UBE2E2: variants seen among roughly 807,000 people sequenced by gnomAD.
The protein encoded by UBE2E2 is ubiquitin conjugating enzyme E2 E2.
In UBE2E2, 6 loss-of-function variants were observed where a neutral mutation model predicts 24.7. That is an observed-to-expected ratio of 0.24 (90% CI 0.13 to 0.48). The LOEUF is 0.48. UBE2E2 is among the 20% of genes least tolerant of loss of function. The probability of loss-of-function intolerance (pLI) is 0.99; values close to 1 mark genes in which losing one functional copy is unlikely to be tolerated. For missense variants in UBE2E2, 169 were observed against 245.0 expected (o/e 0.69, Z 2.07); for synonymous variants, 104 against 83.6 (o/e 1.24, Z -1.33).
At chr3:23,411,541 G>A (rs1346797064) in intron 3 of UBE2E2, among the ~76,000 whole-genome samples, 5 of 152,124 alleles carry the variant, frequency 3.3e-5, no homozygotes, top group Non-Finnish European at 5.9e-5. Flanking sequence ...TGAGAGGAGC[G>A]AGGAGGTTTT....
chr3:23,223,713 G>T (rs2125326681), intron 3 of UBE2E2, among the ~76,000 whole-genome samples: 1 of 152,144 alleles, frequency 6.6e-6, no homozygotes, highest in South Asian at 2.1e-4. Context: ...TGCTTTGGTT[G>T]CCTGTGCTTT....
intron 3 of UBE2E2, among the ~76,000 whole-genome samples, chr3:23,321,557 C>T (rs1461513771): frequency 1.3e-5 from 2 of 151,036 alleles, no homozygotes; most frequent in African/African-American, 2.4e-5. Context: ...AGCTCTTCTA[C>T]TCCTGGGACC....
intron 3 of UBE2E2, among the ~76,000 whole-genome samples, chr3:23,387,704 G>T (rs780319423): frequency 2.1e-4 from 32 of 152,168 alleles, no homozygotes; most frequent in Non-Finnish European, 3.8e-4. Flanking sequence ...TGAAGTGTAG[G>T]TATGAAGTGC....
intron 3 of UBE2E2, among the ~76,000 whole-genome samples, chr3:23,219,264 C>T (rs752426050): frequency 5.9e-5 from 9 of 152,114 alleles, no homozygotes; most frequent in Non-Finnish European, 1.3e-4. Flanking sequence ...GCAAAGGGTC[C>T]TCTGTGCTGT....
At chr3:23,470,209 C>G (rs554515013) in intron 3 of UBE2E2, among the ~76,000 whole-genome samples, 4 of 152,158 alleles carry the variant, frequency 2.6e-5, no homozygotes, top group African/African-American at 9.7e-5. Context: ...CTGTGCCCCT[C>G]CTTTTCCCAC....
chr3:23,460,145 C>T (rs1190152283), intron 3 of UBE2E2, among the ~76,000 whole-genome samples: 2 of 152,176 alleles, frequency 1.3e-5, no homozygotes, highest in African/African-American at 4.8e-5. Context: ...CCAGATGCAT[C>T]TGGTTGGCAC....
chr3:23,358,187 T>C (rs1196623867), intron 3 of UBE2E2, among the ~76,000 whole-genome samples: 2 of 152,274 alleles, frequency 1.3e-5, no homozygotes, highest in East Asian at 1.9e-4. Context: ...TGAAAAAATA[T>C]TTATATGTAC....
At chr3:23,356,104 A>T (rs1413490648) in intron 3 of UBE2E2, among the ~76,000 whole-genome samples, 1 of 152,210 alleles carries the variant, frequency 6.6e-6, no homozygotes, top group Non-Finnish European at 1.5e-5. Context: ...AGTAGACCTG[A>T]TGCTCAGTTA....
intron 3 of UBE2E2, among the ~76,000 whole-genome samples, chr3:23,317,952 T>C (rs2125285642): frequency 6.6e-6 from 1 of 152,056 alleles, no homozygotes; most frequent in African/African-American, 2.4e-5. Context: ...GGTGCTTTTT[T>C]GTGTAGATAG....
At chr3:23,221,489 A>G (rs1343985874) in intron 3 of UBE2E2, among the ~76,000 whole-genome samples, 2 of 151,972 alleles carry the variant, frequency 1.3e-5, no homozygotes, top group Non-Finnish European at 2.9e-5. Flanking sequence ...CTCGGCAGCA[A>G]TTAGTCTACT....
chr3:23,514,808 C>T (rs1425528614), intron 4 of UBE2E2, among the ~76,000 whole-genome samples: 1 of 151,802 alleles, frequency 6.6e-6, no homozygotes, highest in African/African-American at 2.4e-5. Context: ...ATTGAGGCCA[C>T]AGTACTGAAT....
At chr3:23,377,377 G>T (rs1010316837) in intron 3 of UBE2E2, among the ~76,000 whole-genome samples, 2 of 152,216 alleles carry the variant, frequency 1.3e-5, no homozygotes, top group African/African-American at 4.8e-5. Flanking sequence ...AATTATTAAT[G>T]ATAGTGTTTA....
At chr3:23,496,074 TC>T (rs1699591971) in intron 3 of UBE2E2, among the ~76,000 whole-genome samples, 1 of 152,170 alleles carries the variant, frequency 6.6e-6, no homozygotes, top group African/African-American at 2.4e-5. Flanking sequence ...CCAGTTAATT[TC>T]TTAAAAGACT....
At chr3:23,406,687 T>A (rs1229637584) in intron 3 of UBE2E2, among the ~76,000 whole-genome samples, 1 of 152,226 alleles carries the variant, frequency 6.6e-6, no homozygotes, top group East Asian at 1.9e-4. Context: ...AGGTTATCCC[T>A]CTTAACCTTG....
chr3:23,237,355 G>C (rs920098808), intron 3 of UBE2E2, among the ~76,000 whole-genome samples: 1 of 152,130 alleles, frequency 6.6e-6, no homozygotes, highest in African/African-American at 2.4e-5. Flanking sequence ...TAGTTACTAA[G>C]GCAGATAACT....
chr3:23,539,589 G>T (rs1695342312), intron 5 of UBE2E2, among the ~76,000 whole-genome samples: 1 of 152,166 alleles, frequency 6.6e-6, no homozygotes. Context: ...AACGCAGGGA[G>T]TATCTGTCAA....
intron 3 of UBE2E2, among the ~76,000 whole-genome samples, chr3:23,497,398 G>A (rs1050155416): frequency 2.0e-5 from 3 of 152,218 alleles, no homozygotes; most frequent in Admixed American, 6.5e-5. Context: ...TTTTTGTCAC[G>A]TGGCATTTTA....
rs548199942 is a variant in UBE2E2, at chr3:23,523,969, T to TG, written c.361-8579dup. On this transcript the variant is annotated intron_variant, in intron 4 of 5. Coordinates refer to ENST00000396703, the MANE Select transcript of UBE2E2 (RefSeq NM_152653.4). ...TGGGGGCTTCAAATATTTGTGGGGT[T>TG]GGGGGGTTCTCCGTGGAAAAGTATT... Among the ~76,000 whole-genome samples the TG allele has an allele frequency of 3.6e-3, 539 of 151,270 alleles. 4 individuals are homozygous for TG. Among genetic ancestry groups the TG allele is most frequent in the African/African-American group, 0.013 (520 of 41,214 alleles).
At chr3:23,369,166 G>A (rs1182743100) in intron 3 of UBE2E2, among the ~76,000 whole-genome samples, 1 of 152,126 alleles carries the variant, frequency 6.6e-6, no homozygotes, top group Non-Finnish European at 1.5e-5. Context: ...GATGCTGTTT[G>A]TATTGTTAAA....
Sources: gnomAD v4.1 joint callset for allele counts (sites outside exome capture counted in the v4.1 genomes callset) on GRCh38, gnomAD v4.1.1 for gene constraint, MANE v1.5 for transcripts, NCBI Gene and HGNC (gene_info 2026-07-23, HGNC 2026-07-21) for gene names.